Variants in TET3 observed in about 807,000 individuals in gnomAD.
The protein encoded by TET3 is methylcytosine dioxygenase TET3.
TET3 carries 19 observed loss-of-function variants against 141.4 expected under a neutral mutation model. The observed-to-expected ratio is 0.13, with a 90% CI of 0.09 to 0.20. The LOEUF (loss-of-function observed/expected upper bound fraction) is 0.20, where lower values mean the gene tolerates loss of function less well. Among genes scored for constraint, TET3 ranks in the 10% least tolerant of loss-of-function variants. The probability of loss-of-function intolerance (pLI) is 1.00; values close to 1 mark genes in which losing one functional copy is unlikely to be tolerated. For missense variants in TET3, 1,874 were observed against 2,356.9 expected (o/e 0.80, Z 4.24); for synonymous variants, 1,043 against 980.9 (o/e 1.06, Z -1.18).
rs553524118 is a variant in TET3 at position 74,093,092 on chromosome 2, A to G, written c.3129+101A>G. 6.4e-6 allele frequency: 7 copies of G among 1,089,778 alleles called. No homozygotes were observed. The highest frequency in any genetic ancestry group is 2.0e-4 in the Middle Eastern group (1 of 4,968). 67.5% of individuals were successfully genotyped at this position (1,089,778 alleles called of 1,614,324 possible). On this transcript the variant is annotated intron_variant, in intron 9 of 11. Coordinates refer to ENST00000409262, the MANE Select transcript of TET3 (RefSeq NM_001287491.2). The surrounding 1 kb of genome is among the most constrained non-coding windows in gnomAD (Gnocchi z 4.2). ...GGAGAGTGGGCTCTTTTACTCTCTT[A>G]TGGGAAGAGCCTAGTCCAGAAGTAA... is the stretch of plus-strand genomic sequence containing the variant.
chr2:74,008,795 A>G (rs1328923875), intron 3 of TET3, among the ~76,000 whole-genome samples: 2 of 152,314 alleles, frequency 1.3e-5, no homozygotes, highest in South Asian at 4.1e-4. Flanking sequence ...ATCTTGCCAC[A>G]GAAATATTCC....
chr2:74,123,001 T>C, the TET3 span: 1 of 152,074 alleles, frequency 6.6e-6, no homozygotes, highest in South Asian at 2.1e-4. Flanking sequence ...GCCTTGATAA[T>C]GAATTTGATA....
intron 5 of TET3, 42 bp from the exon 6 acceptor site, chr2:74,080,456 G>A: frequency 1.3e-6 from 2 of 1,573,416 alleles, no homozygotes; most frequent in Non-Finnish European, 1.7e-6. Flanking sequence ...TTCTCCTTTG[G>A]GGTTCTGCTG....
chr2:74,026,525 G>A (rs1204746897), intron 3 of TET3, among the ~76,000 whole-genome samples: 1 of 152,142 alleles, frequency 6.6e-6, no homozygotes, highest in Admixed American at 6.5e-5. Flanking sequence ...TGCATTACAA[G>A]GGCAGTGCTT....
chr2:74,048,882 G>A (rs903902959), intron 4 of TET3, among the ~76,000 whole-genome samples: 1 of 152,214 alleles, frequency 6.6e-6, no homozygotes, highest in Non-Finnish European at 1.5e-5. Flanking sequence ...GGAGGATGGT[G>A]TCAGGGGCCA....
the TET3 span, among the ~76,000 whole-genome samples, chr2:74,132,430 C>G: frequency 1.3e-5 from 2 of 152,234 alleles, no homozygotes; most frequent in Non-Finnish European, 2.9e-5. Flanking sequence ...TGTGTGCCAT[C>G]CAGGCTGAGT....
At chr2:74,080,947 G>A (rs1689786249) in intron 6 of TET3, among the ~76,000 whole-genome samples, 1 of 152,222 alleles carries the variant, frequency 6.6e-6, no homozygotes, top group Non-Finnish European at 1.5e-5. Context: ...ATGCTGTCAT[G>A]ACCCGTTGAT....
At chr2:74,049,601 C>A (rs1431933721) in intron 4 of TET3, among the ~76,000 whole-genome samples, 2 of 152,124 alleles carry the variant, frequency 1.3e-5, no homozygotes, top group African/African-American at 2.4e-5. Context: ...ATATTGAATT[C>A]TTGTGATTTT....
chr2:73,988,272 G>C (rs1684146642), intron 2 of TET3, among the ~76,000 whole-genome samples: 1 of 152,152 alleles, frequency 6.6e-6, no homozygotes, highest in African/African-American at 2.4e-5. Flanking sequence ...AGGAGCTGCT[G>C]AGTCTACTTT....
At chr2:74,067,568 T>C (rs958864961) in intron 4 of TET3, among the ~76,000 whole-genome samples, 1 of 152,232 alleles carries the variant, frequency 6.6e-6, no homozygotes. Context: ...GTAACAATTA[T>C]GTTTTATACA....
At chr2:74,019,624 G>A (rs1057424431) in intron 3 of TET3, among the ~76,000 whole-genome samples, 4 of 152,152 alleles carry the variant, frequency 2.6e-5, no homozygotes, top group Non-Finnish European at 4.4e-5. Flanking sequence ...TAAACGCCGT[G>A]GCATCAGATT....
chr2:74,098,775 G>A (rs1360583970), intron 10 of TET3, among the ~76,000 whole-genome samples: 1 of 152,080 alleles, frequency 6.6e-6, no homozygotes, highest in African/African-American at 2.4e-5. Flanking sequence ...TATATTTTTG[G>A]TAGAGACAGG....
intron 5 of TET3, among the ~76,000 whole-genome samples, chr2:74,079,023 G>A (rs1399133721): frequency 2.0e-5 from 3 of 152,200 alleles, no homozygotes; most frequent in Admixed American, 1.3e-4. Context: ...AGTAAAGTCG[G>A]GAAGAAGCAG....
chr2:74,002,996 A>T, intron 2 of TET3, 114 bp from the exon 3 acceptor site: 1 of 1,118,570 alleles, frequency 8.9e-7, no homozygotes, highest in South Asian at 1.4e-5. Flanking sequence ...CCCAGGCTGT[A>T]TCCCCTCCCG....
chr2:74,000,017 G>A (rs1460710352), intron 2 of TET3, among the ~76,000 whole-genome samples: 1 of 152,128 alleles, frequency 6.6e-6, no homozygotes, highest in Non-Finnish European at 1.5e-5. Flanking sequence ...TTTGGGGTAG[G>A]GCTGAATTAC....
chr2:74,092,943 A>G lies in TET3; in HGVS notation c.3081A>G (p.Glu1027=). The part of the protein sequence containing the change: ...LRKSFQDLAT[E]VAPLYKRLAP... ...AGAGTTTCCAGGACCTGGCCACCGA[A>G]GTCGCTCCCCTGTACAAGCGACTGG... Residue 1027 remains glutamate (E), a synonymous_variant, in exon 9 of 12, where the codon GAA becomes GAG. Coordinates refer to ENST00000409262, the MANE Select transcript of TET3 (RefSeq NM_001287491.2). 6.3e-7 allele frequency: 1 copy of G among 1,589,794 alleles called. No homozygotes were observed. The highest frequency in any genetic ancestry group is 1.2e-5 in the South Asian group (1 of 86,956).
intron 4 of TET3, among the ~76,000 whole-genome samples, chr2:74,065,828 A>C (rs1688870321): frequency 6.6e-6 from 1 of 150,886 alleles, no homozygotes; most frequent in African/African-American, 2.4e-5. Flanking sequence ...GTGCGACCTC[A>C]GCTCACTGCA....
intron 2 of TET3, among the ~76,000 whole-genome samples, chr2:73,988,191 C>T (rs962616022): frequency 1.3e-5 from 2 of 152,178 alleles, no homozygotes; most frequent in Non-Finnish European, 2.9e-5. Context: ...TGGGTCGCTA[C>T]TGAAAGCAGG....
chr2:74,096,820 G>A (rs1341801999), intron 10 of TET3, among the ~76,000 whole-genome samples: 2 of 148,684 alleles, frequency 1.3e-5, no homozygotes, highest in African/African-American at 2.5e-5. Flanking sequence ...GGCTGGGCAC[G>A]GTGGCTCACA....
Sources: gnomAD v4.1 joint callset for allele counts (sites outside exome capture counted in the v4.1 genomes callset) on GRCh38, gnomAD v4.1.1 for gene constraint, Gnocchi (gnomAD v3.1) non-coding constraint, MANE v1.5 for transcripts, NCBI Gene and HGNC (gene_info 2026-07-23, HGNC 2026-07-21) for gene names.